The following VTI1A variants were observed in gnomAD, a reference collection of about 807,000 sequenced individuals.
The protein encoded by VTI1A is vesicle transport through interaction with t-SNAREs homolog 1A.
VTI1A carries 22 observed loss-of-function variants against 34.9 expected under a neutral mutation model. The ratio of observed to expected loss-of-function variants is 0.63; its 90% CI spans 0.45 to 0.90. The LOEUF (loss-of-function observed/expected upper bound fraction) is 0.90, where lower values mean the gene tolerates loss of function less well. Ranked by LOEUF, VTI1A falls within the 40% of genes least tolerant of loss-of-function variation. The probability of loss-of-function intolerance (pLI) is 0.00; values close to 1 mark genes in which losing one functional copy is unlikely to be tolerated. For missense variants in VTI1A, 268 were observed against 275.6 expected (o/e 0.97, Z 0.20); for synonymous variants, 87 against 97.3 (o/e 0.89, Z 0.62).
At chr10:112,587,710 G>A (rs1427808825) in intron 5 of VTI1A, among the ~76,000 whole-genome samples, 2 of 151,942 alleles carry the variant, frequency 1.3e-5, no homozygotes, top group Non-Finnish European at 2.9e-5. Context: ...GATACAATTA[G>A]AACTAAGAAT....
At chr10:112,805,085 C>T (rs1314976841) in intron 7 of VTI1A, among the ~76,000 whole-genome samples, 1 of 151,428 alleles carries the variant, frequency 6.6e-6, no homozygotes, top group East Asian at 1.9e-4. Flanking sequence ...AGGCTGGTCT[C>T]AAATTCCTGC....
the VTI1A span, among the ~76,000 whole-genome samples, chr10:112,852,568 G>A: frequency 2.6e-5 from 4 of 152,344 alleles, no homozygotes; most frequent in East Asian, 7.7e-4. Flanking sequence ...TGGCACGTGG[G>A]CATTATTGGC....
At chr10:112,785,006 C>G (rs1590182135) in intron 7 of VTI1A, among the ~76,000 whole-genome samples, 1 of 152,216 alleles carries the variant, frequency 6.6e-6, no homozygotes, top group African/African-American at 2.4e-5. Flanking sequence ...TGGCAAAACT[C>G]AAGATGTAGG....
chr10:112,794,359 C>A (rs757960210), intron 7 of VTI1A, among the ~76,000 whole-genome samples: 2 of 151,978 alleles, frequency 1.3e-5, no homozygotes, highest in Admixed American at 6.6e-5. Flanking sequence ...AGTTCGAGAC[C>A]GGCCTGGACA....
At chr10:112,748,622 T>C (rs1374379151) in intron 7 of VTI1A, among the ~76,000 whole-genome samples, 1 of 128,626 alleles carries the variant, frequency 7.8e-6, no homozygotes, top group Non-Finnish European at 1.6e-5. Flanking sequence ...TTAGAAACCT[T>C]TTTTTTTTTT....
rs554351692 is a variant in VTI1A, at chr10:112,566,150, T to A, written c.427+27820T>A. 2.0e-5 allele frequency among the ~76,000 whole-genome samples: 3 copies of A among 152,252 alleles called. No individual in the cohort carries two copies. In the South Asian group the frequency reaches 6.2e-4, roughly 32 times the overall value. On this transcript the variant is annotated intron_variant, in intron 5 of 7. Coordinates refer to ENST00000393077, the MANE Select transcript of VTI1A (RefSeq NM_145206.4). ...GAAATTTGTGAAGTCAAAATTAGTATGTTTTTTTCTAATGAAAGATATGAA... is the reference window on the plus strand; with the variant it reads ...GAAATTTGTGAAGTCAAAATTAGTAAGTTTTTTTCTAATGAAAGATATGAA...
intron 3 of VTI1A, among the ~76,000 whole-genome samples, chr10:112,470,866 A>T (rs1848050182): frequency 6.6e-6 from 1 of 152,176 alleles, no homozygotes; most frequent in Non-Finnish European, 1.5e-5. Flanking sequence ...AGCCTGGGCA[A>T]CAGAGCGAGA....
At chr10:112,606,915 C>T (rs543508166) in intron 5 of VTI1A, among the ~76,000 whole-genome samples, 1 of 152,288 alleles carries the variant, frequency 6.6e-6, no homozygotes, top group East Asian at 1.9e-4. Flanking sequence ...AACTTTATGT[C>T]AAGTGCTTTA....
chr10:112,629,443 A>G (rs1846049752), intron 5 of VTI1A, among the ~76,000 whole-genome samples: 1 of 152,206 alleles, frequency 6.6e-6, no homozygotes, highest in Non-Finnish European at 1.5e-5. Context: ...TTTTAACTGG[A>G]GGCTTATCTG....
chr10:112,462,594 G>A (rs1288307729), intron 2 of VTI1A, among the ~76,000 whole-genome samples: 1 of 152,106 alleles, frequency 6.6e-6, no homozygotes, highest in Non-Finnish European at 1.5e-5. Context: ...ATTTATTGGT[G>A]CTTCTCATTT....
At chr10:112,577,888 C>T (rs868296904) in intron 5 of VTI1A, among the ~76,000 whole-genome samples, 2 of 152,320 alleles carry the variant, frequency 1.3e-5, no homozygotes, top group South Asian at 2.1e-4. Context: ...CCACCAAATC[C>T]GTTCGCTGTT....
At chr10:112,532,374 T>C (rs1002471473) in intron 4 of VTI1A, among the ~76,000 whole-genome samples, 8 of 152,224 alleles carry the variant, frequency 5.3e-5, no homozygotes, top group Non-Finnish European at 7.4e-5. Context: ...TTAAAAATTA[T>C]CAGTCGTAGA....
chr10:112,704,700 C>G (rs1474233277), intron 7 of VTI1A, among the ~76,000 whole-genome samples: 1 of 152,104 alleles, frequency 6.6e-6, no homozygotes, highest in African/African-American at 2.4e-5. Flanking sequence ...GATCTTGTCA[C>G]ACTCTCTAAT....
rs192802886 is a variant in VTI1A at position 112,488,208 on chromosome 10, T to C, written c.264+23551T>C. 3.8e-3 allele frequency among the ~76,000 whole-genome samples: 576 copies of C among 152,338 alleles called. 2 individuals are homozygous for C. Among genetic ancestry groups the C allele is most frequent in the African/African-American group, 0.013 (549 of 41,584 alleles). On this transcript the variant is annotated intron_variant, in intron 3 of 7. Coordinates refer to ENST00000393077, the MANE Select transcript of VTI1A (RefSeq NM_145206.4). ...CTTTTAGTTTACTTTGTTTAATTAGTGTTGTTGCTCCAACTACATTATATG... is the reference window on the plus strand; with the variant it reads ...CTTTTAGTTTACTTTGTTTAATTAGCGTTGTTGCTCCAACTACATTATATG...
rs368994513 is a variant in VTI1A, at chr10:112,815,566, G to C, written c.*183G>C. 6.8e-6 allele frequency: 4 copies of C among 586,632 alleles called. No homozygotes were observed. The highest frequency in any genetic ancestry group is 2.9e-5 in the East Asian group (1 of 34,842). 36.3% of individuals were successfully genotyped at this position (586,632 alleles called of 1,614,324 possible). A position where few individuals can be genotyped will look rare whatever the true frequency, so the allele number is the denominator to read the frequency against. On this transcript the variant is annotated 3_prime_UTR_variant, in exon 8 of 8. Coordinates refer to ENST00000393077, the MANE Select transcript of VTI1A (RefSeq NM_145206.4). ...TTCTATTCCTGTTTGCATGTGGGTT[G>C]GTTTCCTTTTCGAGGTTTGTCTTCA...
chr10:112,698,382 T>C (rs1848870622), intron 7 of VTI1A, among the ~76,000 whole-genome samples: 2 of 152,058 alleles, frequency 1.3e-5, no homozygotes, highest in Admixed American at 1.3e-4. Context: ...ACATATGGAG[T>C]GTACCCCAGT....
intron 4 of VTI1A, among the ~76,000 whole-genome samples, chr10:112,537,311 G>GTATATCTATATATATATATA (rs1850673012): frequency 1.5e-5 from 1 of 65,222 alleles, no homozygotes; most frequent in Non-Finnish European, 3.6e-5. Flanking sequence ...AAGTATCTAG[G>GTATATCTATATATATATATA]TATATATATA....
chr10:112,456,262 T>C (rs1847520192), intron 1 of VTI1A, among the ~76,000 whole-genome samples: 1 of 151,830 alleles, frequency 6.6e-6, no homozygotes, highest in East Asian at 1.9e-4. Context: ...TCTACTAATA[T>C]AATACAAAAA....
At chr10:112,608,442 A>C (rs1845171136) in intron 5 of VTI1A, among the ~76,000 whole-genome samples, 1 of 152,202 alleles carries the variant, frequency 6.6e-6, no homozygotes, top group South Asian at 2.1e-4. Flanking sequence ...CCTATGGGCC[A>C]CTTGGACTAT....
Sources: gnomAD v4.1 joint callset for allele counts (sites outside exome capture counted in the v4.1 genomes callset) on GRCh38, gnomAD v4.1.1 for gene constraint, MANE v1.5 for transcripts, NCBI Gene and HGNC (gene_info 2026-07-23, HGNC 2026-07-21) for gene names.